Variants in NEDD4 observed in about 807,000 individuals in gnomAD.
NEDD4 encodes the protein NEDD4 E3 ubiquitin protein ligase, also known as E3 ubiquitin-protein ligase NEDD4.
In NEDD4, 99 loss-of-function variants were observed where a neutral mutation model predicts 144.9. That is an observed-to-expected ratio of 0.68 (90% CI 0.58 to 0.81). The LOEUF (loss-of-function observed/expected upper bound fraction) is 0.81. Among genes scored for constraint, NEDD4 ranks in the 30% least tolerant of loss-of-function variants. The pLI is 0.00. For missense variants in NEDD4, 985 were observed against 1,065.9 expected (o/e 0.92, Z 1.06); for synonymous variants, 318 against 350.6 (o/e 0.91, Z 1.04).
chr15:55,952,882 A>G (rs2037268201), intron 2 of NEDD4: 1 of 152,312 alleles, frequency 6.6e-6, no homozygotes, highest in Admixed American at 6.5e-5. Flanking sequence ...TTCCATTCCC[A>G]GTCAAACCTT....
chr15:55,859,793 G>C (rs912392435), intron 11 of NEDD4, among the ~76,000 whole-genome samples: 3 of 152,130 alleles, frequency 2.0e-5, no homozygotes, highest in Admixed American at 6.5e-5. Context: ...GCACTCATAG[G>C]TAAGATCAAG....
At chr15:55,896,513 T>C (rs537646799) in intron 5 of NEDD4, among the ~76,000 whole-genome samples, 9 of 152,308 alleles carry the variant, frequency 5.9e-5, no homozygotes, top group Non-Finnish European at 1.2e-4. Flanking sequence ...ATTTACCTGA[T>C]GATACTAAAT....
At chr15:55,884,674 G>C (rs918941804) in intron 5 of NEDD4, among the ~76,000 whole-genome samples, 6 of 152,024 alleles carry the variant, frequency 3.9e-5, no homozygotes, top group Admixed American at 6.5e-5. Flanking sequence ...TAATGCATCA[G>C]AGTCTGTTAA....
At chr15:55,964,971 G>C (rs955526606) in intron 2 of NEDD4, among the ~76,000 whole-genome samples, 2 of 151,852 alleles carry the variant, frequency 1.3e-5, no homozygotes, top group Admixed American at 1.3e-4. Flanking sequence ...CTCTTGCTAT[G>C]TGATTTCTTT....
At chr15:55,967,406 T>A (rs2142331379) in intron 1 of NEDD4, among the ~76,000 whole-genome samples, 1 of 151,690 alleles carries the variant, frequency 6.6e-6, no homozygotes, top group Non-Finnish European at 1.5e-5. Flanking sequence ...TATTTTCAAA[T>A]AACTTAGCAA....
intron 5 of NEDD4, among the ~76,000 whole-genome samples, chr15:55,893,848 T>G (rs1284533694): frequency 6.7e-6 from 1 of 150,234 alleles, no homozygotes; most frequent in Non-Finnish European, 1.5e-5. Flanking sequence ...CACTGTAAAT[T>G]TAACTTAACT....
intron 8 of NEDD4, among the ~76,000 whole-genome samples, chr15:55,864,496 A>G (rs1263088788): frequency 6.6e-6 from 1 of 152,132 alleles, no homozygotes; most frequent in Non-Finnish European, 1.5e-5. Context: ...AGCCTGACCA[A>G]CATGGAGAAA....
chr15:55,983,651 GC>G (rs1421100127), intron 1 of NEDD4, among the ~76,000 whole-genome samples: 2 of 139,790 alleles, frequency 1.4e-5, no homozygotes, highest in African/African-American at 2.7e-5. Flanking sequence ...TTCTTCTGTT[GC>G]CCAGACTGGA....
chr15:55,850,482 A>C, intron 14 of NEDD4, 60 bp downstream of exon 14: 1 of 1,503,582 alleles, frequency 6.7e-7, no homozygotes, highest in Non-Finnish European at 9.2e-7. Context: ...ATTTTAAGGA[A>C]CTATACATAA....
chr15:55,981,976 C>G (rs181442686), intron 1 of NEDD4, among the ~76,000 whole-genome samples: 1 of 152,296 alleles, frequency 6.6e-6, no homozygotes, highest in African/African-American at 2.4e-5. Flanking sequence ...TACTTTACAT[C>G]TTATCACTAC....
chr15:55,938,860 C>T (rs1368068755), intron 4 of NEDD4, among the ~76,000 whole-genome samples: 2 of 151,950 alleles, frequency 1.3e-5, no homozygotes, highest in Admixed American at 1.3e-4. Context: ...GATCTCAGCA[C>T]TTTGGGAGGG....
intron 5 of NEDD4, chr15:55,924,347 A>T (rs2036623650): frequency 7.2e-6 from 2 of 277,262 alleles, no homozygotes; most frequent in Non-Finnish European, 1.4e-5. Flanking sequence ...GTCATGGGCG[A>T]GTGAGAGGGA....
intron 12 of NEDD4, among the ~76,000 whole-genome samples, chr15:55,855,345 G>A (rs536331683): frequency 1.2e-4 from 19 of 152,176 alleles, no homozygotes; most frequent in Non-Finnish European, 2.6e-4. Context: ...GAAATGGAAT[G>A]CACACAGACT....
intron 5 of NEDD4, among the ~76,000 whole-genome samples, chr15:55,906,969 C>A (rs1282786560): frequency 6.6e-6 from 1 of 151,874 alleles, no homozygotes; most frequent in African/African-American, 2.4e-5. Flanking sequence ...GTGGCACGTA[C>A]CTGTAATCCC....
chr15:55,852,657 C>G lies in NEDD4; in HGVS notation c.1027-114G>C, dbSNP rs545623751. The stretch of plus-strand genomic sequence containing the variant: ...CTCTCAGCCCCAAGCAACCACTCAT[C>G]TGCTCTGTTACTACAGTTTTGCCTT... On this transcript the variant is annotated intron_variant, in intron 12 of 28. Coordinates refer to ENST00000435532, the MANE Select transcript of NEDD4 (RefSeq NM_006154.4). 5.7e-5 allele frequency: 37 copies of G among 645,486 alleles called. No homozygotes were observed. The African/African-American group carries it at 6.4e-4, about 11-fold the overall frequency. The allele number at this position is 645,486 out of a possible 1,614,324, so 40.0% of individuals were successfully genotyped here.
At chr15:55,969,874 G>T (rs1193622758) in intron 1 of NEDD4, among the ~76,000 whole-genome samples, 1 of 149,114 alleles carries the variant, frequency 6.7e-6, no homozygotes, top group Non-Finnish European at 1.5e-5. Flanking sequence ...CTTAAGGAAA[G>T]GAGAGGGAAA....
At chr15:55,832,575 C>G (rs1357074368) in intron 27 of NEDD4, among the ~76,000 whole-genome samples, 1 of 152,060 alleles carries the variant, frequency 6.6e-6, no homozygotes, top group Non-Finnish European at 1.5e-5. Flanking sequence ...CCACCAAGCC[C>G]AGCTAATATT....
chr15:55,935,846 A>C (rs761831803), intron 4 of NEDD4, among the ~76,000 whole-genome samples: 44 of 70,332 alleles, frequency 6.3e-4, no homozygotes, highest in Non-Finnish European at 1.4e-3. Context: ...ACTCTGTTTC[A>C]AAAAAAAAAA....
intron 5 of NEDD4, among the ~76,000 whole-genome samples, chr15:55,894,198 G>A (rs906012504): frequency 5.9e-5 from 9 of 151,874 alleles, no homozygotes; most frequent in African/African-American, 9.7e-5. Context: ...TCTCTCTATC[G>A]GTGGATTCAA....
Sources: gnomAD v4.1 joint callset for allele counts (sites outside exome capture counted in the v4.1 genomes callset) on GRCh38, gnomAD v4.1.1 for gene constraint, MANE v1.5 for transcripts, NCBI Gene and HGNC (gene_info 2026-07-23, HGNC 2026-07-21) for gene names.